Variants in FTSJ3 observed in about 807,000 individuals in gnomAD.
FTSJ3 encodes the protein pre-rRNA 2'-O-ribose RNA methyltransferase FTSJ3.
FTSJ3 carries 46 observed loss-of-function variants against 111.5 expected under a neutral mutation model. That is an observed-to-expected ratio of 0.41 (90% CI 0.33 to 0.53). The LOEUF is 0.53. Among genes scored for constraint, FTSJ3 ranks in the 20% least tolerant of loss-of-function variants. The pLI, the probability that FTSJ3 is intolerant of heterozygous loss-of-function variation, is 0.19. For synonymous variants in FTSJ3, 408 were observed against 383.0 expected (o/e 1.07, Z -0.76); for missense variants, 1,075 against 1,063.8 (o/e 1.01, Z -0.15).
intron 4 of FTSJ3, 37 bp downstream of exon 4, chr17:63,826,221 C>T: frequency 3.7e-6 from 6 of 1,611,476 alleles, no homozygotes; most frequent in Non-Finnish European, 4.2e-6. Flanking sequence ...TATACACCCA[C>T]CCCTTAAAAC....
intron 10 of FTSJ3, 100 bp downstream of exon 10, chr17:63,824,537 C>G: frequency 7.0e-7 from 1 of 1,430,644 alleles, no homozygotes; most frequent in Non-Finnish European, 9.9e-7. Context: ...GCCCCCATCC[C>G]AAACCTTTAG....
chr17:63,824,612 C>A (rs1438490212), intron 10 of FTSJ3, 25 bp downstream of exon 10: 1 of 1,579,876 alleles, frequency 6.3e-7, no homozygotes, highest in East Asian at 2.2e-5. Flanking sequence ...GGGCTCCTGG[C>A]CCCCGTGCCT....
At position 63,827,450 on chromosome 17, in the gene FTSJ3, A is replaced by C. The variant is rs963903728; in HGVS notation, c.-425T>G. The stretch of plus-strand genomic sequence containing the variant: ...TCCTCCGCTTCCGCGCTTGCGCGCC[A>C]AGACGGCTCGGATGCCGGCGGTCTC... On this transcript the variant is annotated 5_prime_UTR_variant, in exon 1 of 21. Transcript: ENST00000427159. 6.4e-7 allele frequency: 1 copy of C among 1,551,600 alleles called. No individual in the cohort carries two copies. Among genetic ancestry groups the C allele is most frequent in the Non-Finnish European group, 8.7e-7 (1 of 1,147,010 alleles).
At chr17:63,826,972 C>A in intron 1 of FTSJ3, 44 bp from the exon 2 acceptor site, 1 of 1,331,766 alleles carries the variant, frequency 7.5e-7, no homozygotes, top group East Asian at 2.3e-5. Flanking sequence ...TCCGGAGCAC[C>A]AGATTCCACT....
rs771936248 is a variant in FTSJ3, at chr17:63,824,135, A to AGTT, written c.1100_1102dup (p.Gln367dup). 3 of 1,614,056 alleles carry AGTT rather than the reference A, an allele frequency of 1.9e-6. No individual in the cohort carries two copies. The highest frequency in any genetic ancestry group is 2.5e-6 in the Non-Finnish European group (3 of 1,180,018). On this transcript the variant is annotated inframe_insertion, in exon 12 of 21. Transcript: ENST00000427159. Reference sequence around the variant, plus strand: ...CTTCATTTCTGCCAAGGTCTGGTTCAGTTGTTCCTCCTCCTCCTCTTCCTC... The same window carrying AGTT: ...CTTCATTTCTGCCAAGGTCTGGTTCAGTTGTTGTTCCTCCTCCTCCTCTTCCTC...
chr17:63,819,517 A>G lies in FTSJ3; in HGVS notation c.*285T>C, dbSNP rs1024267476. 8.0e-6 allele frequency: 3 copies of G among 375,528 alleles called. No individual in the cohort carries two copies. The highest frequency in any genetic ancestry group is 9.0e-5 in the East Asian group (2 of 22,108). The allele number at this position is 375,528 out of a possible 1,614,324, so 23.3% of individuals were successfully genotyped here. A position where few individuals can be genotyped will look rare whatever the true frequency, so the allele number is the denominator to read the frequency against. On this transcript the variant is annotated 3_prime_UTR_variant, in exon 21 of 21. Coordinates refer to ENST00000427159, the MANE Select transcript of FTSJ3 (RefSeq NM_017647.4). ...ACACGTCCAGGTGTAGACTGACTAC[A>G]TTGAGTATCGCTCCAACACCGAACT...
At position 63,820,330 on chromosome 17, in the gene FTSJ3, G is replaced by T; in HGVS notation, c.2181C>A (p.Tyr727Ter). The T allele has an allele frequency of 1.9e-6, 3 of 1,613,838 alleles. No individual in the cohort carries two copies. Among genetic ancestry groups the T allele is most frequent in the Non-Finnish European group, 2.5e-6 (3 of 1,180,006 alleles). The stretch of plus-strand genomic sequence containing the variant: ...CATTGATTTCCCGCCAGCGTTTCCG[G>T]TAATGCTCCACCTCCTTCTTACCAA... ...LPVGKKEVEH[Y>*]RKRWREINAR... The change falls in exon 19 of 21, where the codon TAC becomes TAA. Residue 727 changes from tyrosine (Y) to a stop codon, truncating the protein, a stop_gained. Transcript: ENST00000427159. LOFTEE classifies it high-confidence loss of function.
chr17:63,824,584 G>A (rs1000962143), intron 10 of FTSJ3, 53 bp downstream of exon 10: 9 of 1,489,572 alleles, frequency 6.0e-6, no homozygotes, highest in Non-Finnish European at 7.5e-6. Context: ...CCAACATCAT[G>A]GCCTTTCCCT....
chr17:63,823,720 C>G (rs1290563451), intron 13 of FTSJ3, 97 bp downstream of exon 13: 13 of 1,385,162 alleles, frequency 9.4e-6, no homozygotes, highest in Non-Finnish European at 1.3e-5. Context: ...CACAGCCTAT[C>G]GTTCGGCAAC....
rs1287929626 is a variant in FTSJ3, at chr17:63,823,891, C to T, written c.1216G>A (p.Asp406Asn). 1.2e-6 allele frequency: 2 copies of T among 1,614,202 alleles called. No individual in the cohort carries two copies. Among genetic ancestry groups the T allele is most frequent in the Admixed American group, 3.3e-5 (2 of 60,032 alleles). The change falls in exon 13 of 21, where the codon GAT becomes AAT. Residue 406 changes from aspartate (D) to asparagine (N), a missense_variant. Physicochemically the swap from Asp to Asn is conservative, Grantham distance 23 (BLOSUM62 1). Around this residue, in one of 2 missense-constraint regions of FTSJ3, gnomAD observed 867 missense variants for 796.9 expected, o/e 1.09. Transcript: ENST00000427159. ...TCTGCAATGGAAACCCCAGGCAGAT[C>T]CATCTTCAGCTCCACACGCTCCCGC... Reference protein sequence around the residue: ...KQRERVELKMDLPGVSIADEG... With the variant: ...KQRERVELKMNLPGVSIADEG...
rs992726127 is a variant in FTSJ3 at position 63,827,040 on chromosome 17, T to C, written c.-27+12A>G. 11 of 801,234 alleles carry C rather than the reference T, an allele frequency of 1.4e-5. No homozygotes were observed. Among genetic ancestry groups the C allele is most frequent in the Non-Finnish European group, 2.3e-5 (11 of 471,180 alleles). 49.6% of individuals were successfully genotyped at this position (801,234 alleles called of 1,614,324 possible). A position where few individuals can be genotyped will look rare whatever the true frequency, so the allele number is the denominator to read the frequency against. ...GCAGCAATTCCACCCCGCGCCCCTC[T>C]CCGCACACTACCTAGACCCAGAGCC... On this transcript the variant is annotated intron_variant, in intron 1 of 20. Transcript: ENST00000427159.
At position 63,820,352 on chromosome 17, in the gene FTSJ3, C is replaced by A; in HGVS notation, c.2159G>T (p.Gly720Val). ...KQHRIRQLPV[G>V]KKEVEHYRKR... ...CCGGTAATGCTCCACCTCCTTCTTA[C>A]CAACAGGCAACTGTCGTATCCGGTG... is the stretch of plus-strand genomic sequence containing the variant. The change falls in exon 19 of 21, where the codon GGT (glycine) becomes GTT (valine). Residue 720 changes from glycine (G) to valine (V), a missense_variant. Physicochemically the swap from Gly to Val is moderately radical, Grantham distance 109 (BLOSUM62 -3). This residue lies in a region of FTSJ3 where 867 missense variants were observed against 796.9 expected (regional missense o/e 1.09). Transcript: ENST00000427159. 1 of 1,614,150 alleles carries A rather than the reference C, an allele frequency of 6.2e-7. No homozygotes were observed. The highest frequency in any genetic ancestry group is 8.5e-7 in the Non-Finnish European group (1 of 1,180,036).
Position 63,827,232 on chromosome 17 carries a change from G to A in FTSJ3, c.-207C>T. ...GTAAGTTGAAAGTTGAGACTAGGAAGGCATATCACAAGAACTATAAACAGA... is the reference window on the plus strand; with the variant it reads ...GTAAGTTGAAAGTTGAGACTAGGAAAGCATATCACAAGAACTATAAACAGA... On this transcript the variant is annotated 5_prime_UTR_variant, in exon 1 of 21. Coordinates refer to ENST00000427159, the MANE Select transcript of FTSJ3 (RefSeq NM_017647.4). The A allele has an allele frequency of 1.6e-6, 1 of 606,854 alleles. No homozygotes were observed. The allele number at this position is 606,854 out of a possible 1,614,324, so 37.6% of individuals were successfully genotyped here. A position where few individuals can be genotyped will look rare whatever the true frequency, so the allele number is the denominator to read the frequency against.
At chr17:63,823,017 C>T (rs1325104890) in intron 13 of FTSJ3, among the ~76,000 whole-genome samples, 1 of 152,150 alleles carries the variant, frequency 6.6e-6, no homozygotes, top group Non-Finnish European at 1.5e-5. Context: ...TCTAGGGCCA[C>T]CATGCTCTAC....
Position 63,826,604 on chromosome 17 carries a change from G to GT in FTSJ3, c.135_136insA (p.Arg46ThrfsTer54). The GT allele has an allele frequency of 6.2e-7, 1 of 1,614,038 alleles. No homozygotes were observed. The highest frequency in any genetic ancestry group is 8.5e-7 in the Non-Finnish European group (1 of 1,179,972). On this transcript the variant is annotated frameshift_variant, in exon 3 of 21. Transcript: ENST00000427159. LOFTEE classifies it high-confidence loss of function. ...GCAGCACACAGGTCCAGCAAGGCTC[G>GT]GGCTTTCTGCAGGAACTGAAAGCGG... is the stretch of plus-strand genomic sequence containing the variant.
rs768088304 is a variant in FTSJ3, at chr17:63,825,651, G to A, written c.301-16C>T. 24 of 1,602,802 alleles carry A rather than the reference G, an allele frequency of 1.5e-5. No homozygotes were observed. The highest frequency in any genetic ancestry group is 2.2e-5 in the East Asian group (1 of 44,846). ...TCCTCAGGGCCTAAAGAGAAGAAAA[G>A]GAACTATGGAAACAGAAACACTGGA... is the stretch of plus-strand genomic sequence containing the variant. On this transcript the variant is annotated splice_polypyrimidine_tract_variant and intron_variant, in intron 5 of 20. Coordinates refer to ENST00000427159, the MANE Select transcript of FTSJ3 (RefSeq NM_017647.4).
At chr17:63,825,675 G>C in intron 5 of FTSJ3, 40 bp from the exon 6 acceptor site, 2 of 1,551,194 alleles carry the variant, frequency 1.3e-6, no homozygotes, top group Non-Finnish European at 1.8e-6. Flanking sequence ...AGAAACACTG[G>C]AATGGCCCTG....
chr17:63,824,963 C>T (rs1352046076), intron 8 of FTSJ3, 34 bp from the exon 9 acceptor site: 3 of 1,574,996 alleles, frequency 1.9e-6, no homozygotes, highest in Non-Finnish European at 2.6e-6. Context: ...TTGGTCAGGC[C>T]CTTCTAAGGT....
Position 63,820,377 on chromosome 17 carries a change from G to A in FTSJ3, c.2134C>T (p.His712Tyr), listed in dbSNP as rs1238052675. ...CCAACAGGCAACTGTCGTATCCGGT[G>A]CTGCTTTTCCTCTTGCACAAACCAC... ...PEWFVQEEKQ[H>Y]RIRQLPVGKK... The change falls in exon 19 of 21, where the codon CAC becomes TAC. Residue 712 changes from histidine (H) to tyrosine (Y), a missense_variant. By Grantham distance (83) the His-to-Tyr change is moderately conservative (BLOSUM62 2). Coordinates refer to ENST00000427159, the MANE Select transcript of FTSJ3 (RefSeq NM_017647.4). The A allele has an allele frequency of 6.2e-7, 1 of 1,614,138 alleles. No homozygotes were observed. The highest frequency in any genetic ancestry group is 8.5e-7 in the Non-Finnish European group (1 of 1,180,030).
Sources: allele counts gnomAD v4.1 joint callset (sites outside exome capture counted in the v4.1 genomes callset), GRCh38; gene constraint gnomAD v4.1.1; regional missense constraint gnomAD v4.1.1; transcripts MANE v1.5; gene names NCBI Gene and HGNC (gene_info 2026-07-23, HGNC 2026-07-21).